NEB: variants seen among roughly 807,000 people sequenced by gnomAD.
The protein encoded by NEB is nemaline myopathy type 2.
NEB carries 512 observed loss-of-function variants against 952.2 expected under a neutral mutation model. The ratio of observed to expected loss-of-function variants is 0.54; its 90% CI spans 0.50 to 0.58. NEB has a LOEUF of 0.58. NEB is among the 20% of genes least tolerant of loss of function. The pLI is 0.00. For synonymous variants in NEB, 2,900 were observed against 3,149.8 expected, an observed-to-expected ratio of 0.92 and a Z score of 2.66; for missense variants, 8,428 against 9,231.1, an observed-to-expected ratio of 0.91 and a Z score of 3.56.
At chr2:151,720,838 G>A (rs1264437634) in intron 9 of NEB, among the ~76,000 whole-genome samples, 1 of 152,152 alleles carries the variant, frequency 6.6e-6, no homozygotes, top group Non-Finnish European at 1.5e-5. Flanking sequence ...CCTCATAGAT[G>A]TTCATGTCTT....
intron 41 of NEB, 104 bp from the exon 42 acceptor site, chr2:151,665,643 G>A (rs1010761174): frequency 9.3e-5 from 92 of 994,582 alleles, no homozygotes; most frequent in Non-Finnish European, 1.2e-4. Flanking sequence ...AAGCTGGGAG[G>A]GGGAGAATAA....
At chr2:151,619,365 A>G (rs1375600068) in intron 73 of NEB, 86 bp downstream of exon 73, 9 of 1,303,304 alleles carry the variant, frequency 6.9e-6, no homozygotes, top group Non-Finnish European at 9.5e-6. Context: ...ATACAAACAA[A>G]TTGCAGTTCA....
chr2:151,567,082 C>T (rs2096437523), intron 114 of NEB, 86 bp downstream of exon 114: 2 of 1,215,154 alleles, frequency 1.6e-6, no homozygotes, highest in Non-Finnish European at 2.3e-6. Flanking sequence ...CCTCAAATTT[C>T]AAGCACTTGT....
chr2:151,573,272 AC>A (rs1444135507), intron 107 of NEB, among the ~76,000 whole-genome samples: 2 of 152,218 alleles, frequency 1.3e-5, no homozygotes, highest in Non-Finnish European at 2.9e-5. Context: ...TAATAATTTT[AC>A]TTTTAGCATA....
At chr2:151,487,016 ACTT>A (rs2051111133) in intron 181 of NEB, among the ~76,000 whole-genome samples, 1 of 152,138 alleles carries the variant, frequency 6.6e-6, no homozygotes, top group South Asian at 2.1e-4. Context: ...CACTTTATGA[ACTT>A]CATACTAAGT....
rs372827767 is a variant in NEB at position 151,534,286 on chromosome 2, C to T, written c.21313-740G>A. On this transcript the variant is annotated intron_variant, in intron 142 of 181. Transcript: ENST00000397345. Reference sequence around the variant, plus strand: ...TCATCGACTACCAGGTGGTATTTATCTTTCCGCTGCTCATAATCAGCTCTG... The same window carrying T: ...TCATCGACTACCAGGTGGTATTTATTTTTCCGCTGCTCATAATCAGCTCTG... 3.7e-6 allele frequency: 6 copies of T among 1,613,658 alleles called. No homozygotes were observed. In the African/African-American group the frequency reaches 8.0e-5, roughly 21 times the overall value.
At position 151,633,849 on chromosome 2, in the gene NEB, C is replaced by T. The variant is rs754565040; in HGVS notation, c.9219G>A (p.Arg3073=). 2 of 1,613,992 alleles carry T rather than the reference C, an allele frequency of 1.2e-6. No individual in the cohort carries two copies. Among genetic ancestry groups the T allele is most frequent in the Non-Finnish European group, 1.7e-6 (2 of 1,179,878 alleles). The change falls in exon 65 of 182, where the codon AGG becomes AGA. Residue 3073 remains arginine (R), a synonymous_variant. Transcript: ENST00000397345. ...SMHVAKIQSD[R]EYKKDFEKWK... is the part of the protein sequence containing the mutation. Reference sequence around the variant, plus strand: ...ACTTCTCAAAGTCCTTTTTGTACTCCCTGTCACTCTGGATCTTGGCTACGT... The same window carrying T: ...ACTTCTCAAAGTCCTTTTTGTACTCTCTGTCACTCTGGATCTTGGCTACGT...
intron 27 of NEB, among the ~76,000 whole-genome samples, chr2:151,685,206 C>T (rs1217538959): frequency 2.0e-5 from 3 of 152,226 alleles, no homozygotes; most frequent in African/African-American, 7.2e-5. Flanking sequence ...CAGCAGACAG[C>T]GGGCCACAGC....
In NEB at chr2:151,565,486, A is replaced by C. The variant is rs377385674; in HGVS notation, c.18366+15T>G. 3.9e-5 allele frequency: 59 copies of C among 1,524,734 alleles called. No individual in the cohort carries two copies. The Middle Eastern group carries it at 4.1e-3, about 105-fold the overall frequency. The allele number at this position is 1,524,734 out of a possible 1,614,324, so 94.5% of individuals were successfully genotyped here. A position where few individuals can be genotyped will look rare whatever the true frequency, so the allele number is the denominator to read the frequency against. On this transcript the variant is annotated intron_variant, in intron 116 of 181. Transcript: ENST00000397345. ...CCCCAGTCTGTGCACTTCAGCATGC[A>C]CAAAGCAAACTTACATCACTTTGAT... is the stretch of plus-strand genomic sequence containing the variant.
Position 151,616,186 on chromosome 2 carries a change from C to T in NEB, c.11182-77G>A, listed in dbSNP as rs1270168798. 35 of 991,714 alleles carry T rather than the reference C, an allele frequency of 3.5e-5. 1 individual carries two copies. In the South Asian group the frequency reaches 4.5e-4, roughly 13 times the overall value. 61.4% of individuals were successfully genotyped at this position (991,714 alleles called of 1,614,324 possible). A position where few individuals can be genotyped will look rare whatever the true frequency, so the allele number is the denominator to read the frequency against. On this transcript the variant is annotated intron_variant, in intron 75 of 181. Transcript: ENST00000397345. ...TGTTCATTATTAGTTTTTCTTTGTCCTCATTTAAACTTCAGAAATAATTCA... is the reference window on the plus strand; with the variant it reads ...TGTTCATTATTAGTTTTTCTTTGTCTTCATTTAAACTTCAGAAATAATTCA...
At chr2:151,518,175 T>C (rs866203349) in intron 156 of NEB, 143 bp downstream of exon 156, 28 of 688,388 alleles carry the variant, frequency 4.1e-5, no homozygotes, top group African/African-American at 3.7e-4. Context: ...ACATAAGAAT[T>C]TGTTTCAAAA....
intron 76 of NEB, 167 bp downstream of exon 76, chr2:151,615,835 A>G: frequency 6.6e-6 from 4 of 604,632 alleles, no homozygotes; most frequent in Non-Finnish European, 1.2e-5. Flanking sequence ...ATGGGTCTAG[A>G]ATTTTGTGCT....
chr2:151,669,787 A>ATGATT (rs1252819769), intron 38 of NEB, among the ~76,000 whole-genome samples: 1 of 152,214 alleles, frequency 6.6e-6, no homozygotes, highest in Admixed American at 6.5e-5. Flanking sequence ...TAAGAGGGAC[A>ATGATT]TGATTTGATT....
At chr2:151,520,580 G>A (rs2081230758) in intron 153 of NEB, among the ~76,000 whole-genome samples, 1 of 152,170 alleles carries the variant, frequency 6.6e-6, no homozygotes, top group East Asian at 1.9e-4. Context: ...TAAAGAGGAT[G>A]ATAGCCAGGT....
chr2:151,653,930 C>A, intron 52 of NEB, 62 bp downstream of exon 52: 1 of 1,081,202 alleles, frequency 9.2e-7, no homozygotes, highest in Non-Finnish European at 1.4e-6. Context: ...AAATAGTTAC[C>A]GACATTAAGT....
At position 151,524,611 on chromosome 2, in the gene NEB, A is replaced by C. The variant is rs1182966315; in HGVS notation, c.22278T>G (p.Ala7426=). 6.3e-7 allele frequency: 1 copy of C among 1,575,844 alleles called. No homozygotes were observed. The highest frequency in any genetic ancestry group is 8.6e-7 in the Non-Finnish European group (1 of 1,156,336). ...MEVAKKQSDV[A]YRKDAKENLH... ...GGTTCTCTTTGGCATCTTTTCTGTA[A>C]GCGACCTTTATTGGGGAAGAAAATG... The change falls in exon 152 of 182, where the codon GCT becomes GCG. Residue 7426 remains alanine, a synonymous_variant. Coordinates refer to ENST00000397345, the MANE Select transcript of NEB (RefSeq NM_001164508.2).
chr2:151,618,589 C>T (rs2098282865), intron 73 of NEB, 111 bp from the exon 74 acceptor site: 2 of 1,074,446 alleles, frequency 1.9e-6, no homozygotes, highest in African/African-American at 1.6e-5. Context: ...GTTAAGGTTC[C>T]TAGCATAGTC....
At chr2:151,682,620 A>G (rs761769063) in intron 29 of NEB, 42 bp downstream of exon 29, 2 of 1,486,548 alleles carry the variant, frequency 1.3e-6, no homozygotes, top group Non-Finnish European at 1.9e-6. Context: ...CTTTAACACA[A>G]CACAGTCACC....
rs775430225 is a variant in NEB, at chr2:151,694,347, C to A, written c.1872G>T (p.Leu624Phe). 9.3e-6 allele frequency: 15 copies of A among 1,614,014 alleles called. No individual in the cohort carries two copies. Among genetic ancestry groups the A allele is most frequent in the Non-Finnish European group, 5.9e-6 (7 of 1,179,876 alleles). The change falls in exon 20 of 182, where the codon TTG becomes TTT. Residue 624 changes from leucine (L) to phenylalanine (F), a missense_variant. This residue lies in a region of NEB where 2,851 missense variants were observed against 2,791.5 expected (regional missense o/e 1.02). Coordinates refer to ENST00000397345, the MANE Select transcript of NEB (RefSeq NM_001164508.2). The part of the protein sequence containing the change: ...INDDPKMLHS[L>F]KVAKNQSDRL... Reference sequence around the variant, plus strand: ...CATCACTCTGGTTTTTGGCCACCTTCAAGGAGTGCAGCATCTTGGGATCGT... The same window carrying A: ...CATCACTCTGGTTTTTGGCCACCTTAAAGGAGTGCAGCATCTTGGGATCGT...
Sources: gnomAD v4.1 joint callset for allele counts (sites outside exome capture counted in the v4.1 genomes callset) on GRCh38, gnomAD v4.1.1 for gene constraint, gnomAD v4.1.1 regional missense constraint, MANE v1.5 for transcripts, NCBI Gene and HGNC (gene_info 2026-07-23, HGNC 2026-07-21) for gene names.